PLA2G4B: variants seen among roughly 807,000 people sequenced by gnomAD.
The protein encoded by PLA2G4B is phospholipase A2 group IVB.
Under a neutral mutation model 95.8 loss-of-function variants are expected in PLA2G4B, and 122 were observed. That is an observed-to-expected ratio of 1.27 (90% confidence interval 1.10 to 1.48). The LOEUF (loss-of-function observed/expected upper bound fraction) is 1.48, where lower values mean the gene tolerates loss of function less well. Among genes scored for constraint, PLA2G4B ranks in the 40% most tolerant of loss-of-function variants. The pLI is 0.00. For synonymous variants in PLA2G4B, 518 were observed against 421.5 expected, an observed-to-expected ratio of 1.23 and a Z score of -2.80; for missense variants, 1,158 against 996.2, an observed-to-expected ratio of 1.16 and a Z score of -2.19.
chr15:41,848,096 G>T lies in PLA2G4B; in HGVS notation c.*236G>T, dbSNP rs558292834. ...GGCCTGTGCCTGTTTTCCCTTCTGCGCTACCTTGAGTAGTTGGAGCACTTG... is the reference window on the plus strand; with the variant it reads ...GGCCTGTGCCTGTTTTCCCTTCTGCTCTACCTTGAGTAGTTGGAGCACTTG... On this transcript the variant is annotated 3_prime_UTR_variant, in exon 20 of 20. Transcript: ENST00000458483. 3 of 600,752 alleles carry T rather than the reference G, an allele frequency of 5.0e-6. No individual in the cohort carries two copies. In the African/African-American group the frequency reaches 5.6e-5, roughly 11 times the overall value. The allele number at this position is 600,752 out of a possible 1,614,324, so 37.2% of individuals were successfully genotyped here.
rs375722557 is a variant in PLA2G4B, at chr15:41,846,112, G to A, written c.1600+65G>A. 619 of 1,575,010 alleles carry A rather than the reference G, an allele frequency of 3.9e-4. 11 individuals are homozygous for A. In the South Asian group the frequency reaches 6.5e-3, roughly 16 times the overall value. ...GCCAGCTGGGGCTGCACCAGGGGGC[G>A]GGGGGTTCACACCTCTTCCCCCTCC... is the stretch of plus-strand genomic sequence containing the variant. On this transcript the variant is annotated intron_variant, in intron 16 of 19. Coordinates refer to ENST00000458483, the MANE Select transcript of PLA2G4B (RefSeq NM_001114633.2).
At position 41,844,846 on chromosome 15, in the gene PLA2G4B, AGGGCCT is replaced by A; in HGVS notation, c.1017-1_1021del. ...TCTGGCTTTGGCTTTGGCTTTTCCCAGGGCCTTGGCCAACCTTTATGAGGACCCAGA... is the reference window on the plus strand; with the variant it reads ...TCTGGCTTTGGCTTTGGCTTTTCCCATGGCCAACCTTTATGAGGACCCAGA... On this transcript the variant is annotated splice_acceptor_variant and coding_sequence_variant, in exon 13 of 20. Transcript: ENST00000458483. LOFTEE classifies it high-confidence loss of function. 6.3e-7 allele frequency: 1 copy of A among 1,598,974 alleles called. No individual in the cohort carries two copies. The highest frequency in any genetic ancestry group is 1.7e-5 in the Admixed American group (1 of 57,308).
At position 41,846,473 on chromosome 15, in the gene PLA2G4B, C is replaced by G. The variant is rs956861075; in HGVS notation, c.1780+91C>G. The G allele has an allele frequency of 3.3e-6, 5 of 1,530,754 alleles. No homozygotes were observed. The Admixed American group carries it at 9.7e-5, about 30-fold the overall frequency. The allele number at this position is 1,530,754 out of a possible 1,614,324, so 94.8% of individuals were successfully genotyped here. On this transcript the variant is annotated intron_variant, in intron 17 of 19. Coordinates refer to ENST00000458483, the MANE Select transcript of PLA2G4B (RefSeq NM_001114633.2). ...CTCACAGTCCACTCCCATTCTCCTGCTTTGAGCTTGATTCCCTGGACTACT... is the reference window on the plus strand; with the variant it reads ...CTCACAGTCCACTCCCATTCTCCTGGTTTGAGCTTGATTCCCTGGACTACT...
At chr15:41,843,557 G>A (rs2065475361) in intron 10 of PLA2G4B, 119 bp from the exon 11 acceptor site, 1 of 1,498,088 alleles carries the variant, frequency 6.7e-7, no homozygotes, top group African/African-American at 1.4e-5. Context: ...ACACGGGAGT[G>A]GCATTGAGGG....
chr15:41,845,880 A>C (rs556764244), intron 15 of PLA2G4B, 63 bp from the exon 16 acceptor site: 12 of 1,518,298 alleles, frequency 7.9e-6, no homozygotes, highest in Non-Finnish European at 1.1e-5. Flanking sequence ...AGGACTGGCC[A>C]TGGGGAAGGG....
At chr15:41,847,195 T>C in intron 18 of PLA2G4B, 142 bp from the exon 19 acceptor site, 1 of 1,350,256 alleles carries the variant, frequency 7.4e-7, no homozygotes. Flanking sequence ...GTGGAGAGTT[T>C]TTTTCCAACG....
rs537428784 is a variant in PLA2G4B, at chr15:41,846,993, G to A, written c.1947+158G>A. On this transcript the variant is annotated intron_variant, in intron 18 of 19. Coordinates refer to ENST00000458483, the MANE Select transcript of PLA2G4B (RefSeq NM_001114633.2). ...CCACCAGAGGAGCTCATTCTTTTCCGGAAGTTGGGAGGCTGGCGAGGTTCT... is the reference window on the plus strand; with the variant it reads ...CCACCAGAGGAGCTCATTCTTTTCCAGAAGTTGGGAGGCTGGCGAGGTTCT... 6.6e-5 allele frequency among the ~76,000 whole-genome samples: 10 copies of A among 152,270 alleles called. No homozygotes were observed. In the South Asian group the frequency reaches 8.3e-4, roughly 13 times the overall value.
chr15:41,839,984 G>A lies in PLA2G4B; in HGVS notation c.10-174G>A. 4 of 715,686 alleles carry A rather than the reference G, an allele frequency of 5.6e-6. No individual in the cohort carries two copies. In the South Asian group the frequency reaches 6.1e-5, roughly 11 times the overall value. The allele number at this position is 715,686 out of a possible 1,614,324, so 44.3% of individuals were successfully genotyped here. A position where few individuals can be genotyped will look rare whatever the true frequency, so the allele number is the denominator to read the frequency against. On this transcript the variant is annotated intron_variant, in intron 1 of 19. Coordinates refer to ENST00000458483, the MANE Select transcript of PLA2G4B (RefSeq NM_001114633.2). ...CAGAGCATTGTGTAAGTGCTGGCAG[G>A]CGTCATGATGGAGATATCATGTCTC... is the stretch of plus-strand genomic sequence containing the variant.
At chr15:41,844,786 C>T (rs144850138) in intron 12 of PLA2G4B, 62 bp from the exon 13 acceptor site, 35 of 1,543,364 alleles carry the variant, frequency 2.3e-5, no homozygotes, top group East Asian at 2.4e-5. Context: ...GCCCGGGGCA[C>T]GTGGGGTCTA....
At chr15:41,844,446 C>A in intron 11 of PLA2G4B, 25 bp from the exon 12 acceptor site, 1 of 1,614,038 alleles carries the variant, frequency 6.2e-7, no homozygotes, top group South Asian at 1.1e-5. Context: ...AGGGCCTCTA[C>A]AGGCCTGGCT....
At chr15:41,844,054 G>C (rs1326655956) in intron 11 of PLA2G4B, among the ~76,000 whole-genome samples, 1 of 152,354 alleles carries the variant, frequency 6.6e-6, no homozygotes, top group East Asian at 1.9e-4. Context: ...TTGGTTCTCA[G>C]CCTAGCCTGT....
rs1401320331 is a variant in PLA2G4B at position 41,845,303 on chromosome 15, C to T, written c.1340C>T (p.Thr447Ile). 6.2e-7 allele frequency: 1 copy of T among 1,613,924 alleles called. No homozygotes were observed. The highest frequency in any genetic ancestry group is 1.3e-5 in the African/African-American group (1 of 74,930). Reference sequence around the variant, plus strand: ...CTCAACACCAAAGGGCAGAGCCTGACCACTTTTGAATTTGGGGGTGAGTGG... The same window carrying T: ...CTCAACACCAAAGGGCAGAGCCTGATCACTTTTGAATTTGGGGGTGAGTGG... ...CALNTKGQSL[T>I]TFEFGEWCEF... The change falls in exon 14 of 20, where the codon ACC becomes ATC. Residue 447 changes from threonine to isoleucine, a missense_variant. By Grantham distance (89) the Thr-to-Ile change is moderately conservative. Coordinates refer to ENST00000458483, the MANE Select transcript of PLA2G4B (RefSeq NM_001114633.2).
rs777261846 is a variant in PLA2G4B at position 41,841,123 on chromosome 15, G to A, written c.392+28G>A. The A allele has an allele frequency of 4.4e-6, 7 of 1,608,040 alleles. No homozygotes were observed. The South Asian group carries it at 7.7e-5, about 18-fold the overall frequency. On this transcript the variant is annotated intron_variant, in intron 5 of 19. Coordinates refer to ENST00000458483, the MANE Select transcript of PLA2G4B (RefSeq NM_001114633.2). Reference sequence around the variant, plus strand: ...GAGTCAGGGGCCTGGGGCAGTTTGGGTGGGAGTGCCTTGTGGGAAGGACAG... The same window carrying A: ...GAGTCAGGGGCCTGGGGCAGTTTGGATGGGAGTGCCTTGTGGGAAGGACAG...
In PLA2G4B at chr15:41,842,537, G is replaced by GCC. The variant is rs753190319; in HGVS notation, c.706-16_706-15dup. The GCC allele has an allele frequency of 1.9e-5, 30 of 1,611,250 alleles. No homozygotes were observed. Among genetic ancestry groups the GCC allele is most frequent in the Non-Finnish European group, 2.3e-5 (27 of 1,179,278 alleles). ...AGGTGGCCGACCTTTTGTGACTGGG[G>GCC]CCTTCACGGTTTTCAGGAGCCCCTG... On this transcript the variant is annotated splice_polypyrimidine_tract_variant and intron_variant, in intron 9 of 19. Transcript: ENST00000458483.
chr15:41,846,145 C>T (rs915247089), intron 16 of PLA2G4B, 58 bp from the exon 17 acceptor site: 23 of 1,594,184 alleles, frequency 1.4e-5, no homozygotes, highest in Non-Finnish European at 1.9e-5. Context: ...TCCAGGGTCA[C>T]CACCAAGGTG....
Position 41,845,028 on chromosome 15 carries a change from C to T in PLA2G4B, c.1197C>T (p.Thr399=), listed in dbSNP as rs2065510250. 6.2e-7 allele frequency: 1 copy of T among 1,602,828 alleles called. No homozygotes were observed. The highest frequency in any genetic ancestry group is 8.5e-7 in the Non-Finnish European group (1 of 1,174,786). The change falls in exon 13 of 20, where the codon ACC becomes ACT. Residue 399 remains threonine, a synonymous_variant. Coordinates refer to ENST00000458483, the MANE Select transcript of PLA2G4B (RefSeq NM_001114633.2). The part of the protein sequence containing the change: ...RARLGYPSCF[T]NLWALINEAL... ...GCTTGGGCTACCCAAGCTGCTTCAC[C>T]AACCTGTGGGCCCTCATCAACGAGG...
intron 17 of PLA2G4B, 143 bp downstream of exon 17, chr15:41,846,525 C>G (rs1595425823): frequency 6.7e-7 from 1 of 1,503,600 alleles, no homozygotes; most frequent in African/African-American, 1.4e-5. Flanking sequence ...TTCTCCTTGT[C>G]TTGGGGACCC....
chr15:41,838,907 C>CA lies in PLA2G4B; in HGVS notation c.-6dup, dbSNP rs759498714. The CA allele has an allele frequency of 2.0e-5, 32 of 1,596,210 alleles. No individual in the cohort carries two copies. Among genetic ancestry groups the CA allele is most frequent in the Non-Finnish European group, 2.6e-5 (30 of 1,170,666 alleles). On this transcript the variant is annotated 5_prime_UTR_variant, in exon 1 of 20. Transcript: ENST00000458483. Reference sequence around the variant, plus strand: ...CCCATCATTCCTGCTCCTGAGGACTCAGTCTCATGGCTGTGGTAAGGCCTG... The same window carrying CA: ...CCCATCATTCCTGCTCCTGAGGACTCAAGTCTCATGGCTGTGGTAAGGCCTG...
In PLA2G4B at chr15:41,844,608, G is replaced by T. The variant is rs201488493; in HGVS notation, c.1016+1G>T. 7.4e-6 allele frequency: 12 copies of T among 1,614,132 alleles called. No homozygotes were observed. Among genetic ancestry groups the T allele is most frequent in the Non-Finnish European group, 1.0e-5 (12 of 1,180,040 alleles). On this transcript the variant is annotated splice_donor_variant, in intron 12 of 19. Transcript: ENST00000458483. LOFTEE classifies it high-confidence loss of function. ...TCACCGGGGCCTCGGGCTCCACCTGGTGAGCTGGGGGCAGGCTGATGCTGG... is the reference window on the plus strand; with the variant it reads ...TCACCGGGGCCTCGGGCTCCACCTGTTGAGCTGGGGGCAGGCTGATGCTGG...
Sources: gnomAD v4.1 joint callset for allele counts (sites outside exome capture counted in the v4.1 genomes callset) on GRCh38, gnomAD v4.1.1 for gene constraint, MANE v1.5 for transcripts, NCBI Gene and HGNC (gene_info 2026-07-23, HGNC 2026-07-21) for gene names.